Variants in RPH3A observed in about 807,000 individuals in gnomAD.
The protein encoded by RPH3A is rabphilin-3A.
RPH3A carries 48 observed loss-of-function variants against 102.2 expected under a neutral mutation model. That is an observed-to-expected ratio of 0.47 (90% CI 0.37 to 0.60). The LOEUF is 0.60. Ranked by LOEUF, RPH3A falls within the 20% of genes least tolerant of loss-of-function variation. The pLI is 0.00. For missense variants in RPH3A, 781 were observed against 910.1 expected (o/e 0.86, Z 1.83); for synonymous variants, 310 against 324.3 (o/e 0.96, Z 0.47).
intron 5 of RPH3A, among the ~76,000 whole-genome samples, chr12:112,853,966 T>C (rs1317259763): frequency 6.6e-6 from 1 of 152,214 alleles, no homozygotes; most frequent in African/African-American, 2.4e-5. Context: ...GCTTATCAAA[T>C]CACTTTACCC....
chr12:112,604,536 G>C (rs1298866423), intron 1 of RPH3A, among the ~76,000 whole-genome samples: 1 of 152,120 alleles, frequency 6.6e-6, no homozygotes, highest in Non-Finnish European at 1.5e-5. Context: ...TTTACAGATA[G>C]AGAAATGGTG....
chr12:112,728,175 G>T (rs1047236241), intron 1 of RPH3A, among the ~76,000 whole-genome samples: 6 of 152,120 alleles, frequency 3.9e-5, no homozygotes, highest in African/African-American at 1.4e-4. Context: ...TTCCTTCTAT[G>T]CTGGGAACAA....
At chr12:112,635,294 T>A (rs1020394913) in intron 1 of RPH3A, among the ~76,000 whole-genome samples, 1 of 152,220 alleles carries the variant, frequency 6.6e-6, no homozygotes, top group Non-Finnish European at 1.5e-5. Context: ...TACTAGGTAA[T>A]ATCCTGGCAA....
At chr12:112,720,542 C>A (rs921553644) in intron 1 of RPH3A, among the ~76,000 whole-genome samples, 5 of 152,196 alleles carry the variant, frequency 3.3e-5, no homozygotes, top group Admixed American at 6.5e-5. Flanking sequence ...TTAGCTATTG[C>A]TGTGTAACAA....
intron 4 of RPH3A, 30 bp from the exon 5 acceptor site, chr12:112,847,666 A>G: frequency 6.2e-7 from 1 of 1,604,778 alleles, no homozygotes; most frequent in Non-Finnish European, 8.5e-7. Context: ...TTTTCTGCCC[A>G]CCCTCACACC....
rs1393298364 is a variant in RPH3A at position 112,605,332 on chromosome 12, A to G, written c.-140+30013A>G. Among the ~76,000 whole-genome samples the G allele has an allele frequency of 3.3e-5, 5 of 152,254 alleles. No individual in the cohort carries two copies. In the East Asian group the frequency reaches 9.7e-4, roughly 29 times the overall value. On this transcript the variant is annotated intron_variant, in intron 1 of 21. Transcript: ENST00000543106. ...AGAGGTTGCAGTGAGCTGAGATTGC[A>G]CCACTGCATTCCATCCTGGTTGGCA...
At chr12:112,734,963 C>T (rs2040659206) in intron 1 of RPH3A, among the ~76,000 whole-genome samples, 1 of 152,186 alleles carries the variant, frequency 6.6e-6, no homozygotes, top group Non-Finnish European at 1.5e-5. Flanking sequence ...GTGTTGACCT[C>T]CTATCTCATC....
At chr12:112,854,244 G>A (rs940124617) in intron 5 of RPH3A, among the ~76,000 whole-genome samples, 3 of 152,214 alleles carry the variant, frequency 2.0e-5, no homozygotes, top group African/African-American at 7.2e-5. Context: ...TCCCCGAGGG[G>A]CAAAGTCACC....
intron 5 of RPH3A, among the ~76,000 whole-genome samples, chr12:112,854,649 T>C (rs1310602843): frequency 6.6e-6 from 1 of 152,222 alleles, no homozygotes; most frequent in Non-Finnish European, 1.5e-5. Flanking sequence ...CCAAGCCCTG[T>C]GCTAGGAACT....
At chr12:112,636,039 A>G (rs2039846665) in intron 1 of RPH3A, among the ~76,000 whole-genome samples, 3 of 152,200 alleles carry the variant, frequency 2.0e-5, no homozygotes, top group Admixed American at 2.0e-4. Flanking sequence ...CTTAAACATG[A>G]TATAAGCTTA....
chr12:112,614,340 C>G (rs2039660794), intron 1 of RPH3A, among the ~76,000 whole-genome samples: 2 of 151,974 alleles, frequency 1.3e-5, no homozygotes, highest in South Asian at 4.2e-4. Flanking sequence ...ATAATAATAT[C>G]AATGCCCACA....
At chr12:112,695,872 C>CG (rs2040347846) in intron 1 of RPH3A, among the ~76,000 whole-genome samples, 2 of 152,070 alleles carry the variant, frequency 1.3e-5, no homozygotes, top group Non-Finnish European at 2.9e-5. Context: ...TTTGAGGGTA[C>CG]AGGTGGTTTT....
chr12:112,711,575 T>G (rs2040462328), intron 1 of RPH3A, among the ~76,000 whole-genome samples: 1 of 152,226 alleles, frequency 6.6e-6, no homozygotes, highest in African/African-American at 2.4e-5. Context: ...ACTCAAGCAC[T>G]TCAGAAACGA....
intron 1 of RPH3A, among the ~76,000 whole-genome samples, chr12:112,745,727 C>T (rs73196579): frequency 0.02 from 3,010 of 152,270 alleles, 39 homozygotes; most frequent in Non-Finnish European, 0.031. Context: ...TCACAGACTT[C>T]TGCCCTAAGG....
chr12:112,863,850 T>A (rs2042563639), intron 5 of RPH3A, among the ~76,000 whole-genome samples: 1 of 152,216 alleles, frequency 6.6e-6, no homozygotes, highest in Non-Finnish European at 1.5e-5. Context: ...TTGCTAGATA[T>A]ATGTGTGGGG....
chr12:112,894,271 C>A (rs998949864), intron 19 of RPH3A: 5 of 412,060 alleles, frequency 1.2e-5, no homozygotes, highest in African/African-American at 8.3e-5. Flanking sequence ...GATGCAACAT[C>A]TGGATTCAAT....
chr12:112,745,657 T>C (rs2040740466), intron 1 of RPH3A, among the ~76,000 whole-genome samples: 1 of 152,238 alleles, frequency 6.6e-6, no homozygotes, highest in Non-Finnish European at 1.5e-5. Context: ...TCTTACCATT[T>C]GAAAATCCAA....
At chr12:112,576,310 G>A (rs368471099) in intron 1 of RPH3A, among the ~76,000 whole-genome samples, 4 of 152,202 alleles carry the variant, frequency 2.6e-5, no homozygotes, top group African/African-American at 9.7e-5. Flanking sequence ...ACCCTGTGTG[G>A]CCAGGCTGTC....
intron 1 of RPH3A, among the ~76,000 whole-genome samples, chr12:112,648,664 G>A (rs2039951824): frequency 6.9e-6 from 1 of 145,182 alleles, no homozygotes; most frequent in Admixed American, 7.1e-5. Context: ...AGGATCGTCT[G>A]AGCCTGGGAG....
Sources: gnomAD v4.1 joint callset for allele counts (sites outside exome capture counted in the v4.1 genomes callset) on GRCh38, gnomAD v4.1.1 for gene constraint, MANE v1.5 for transcripts, NCBI Gene and HGNC (gene_info 2026-07-23, HGNC 2026-07-21) for gene names.